Variants in DNAH11 observed in about 807,000 individuals in gnomAD.
DNAH11 encodes axonemal beta dynein heavy chain 11.
DNAH11 carries 442 observed loss-of-function variants against 526.0 expected under a neutral mutation model. That is an observed-to-expected ratio of 0.84 (90% CI 0.78 to 0.91). DNAH11 has a LOEUF of 0.91. Ranked by LOEUF, DNAH11 falls within the 40% of genes least tolerant of loss-of-function variation. The probability of loss-of-function intolerance (pLI) is 0.00; values close to 1 mark genes in which losing one functional copy is unlikely to be tolerated. For missense variants in DNAH11, 6,989 were observed against 5,448.7 expected (o/e 1.28, Z -8.90); for synonymous variants, 2,461 against 1,935.9 (o/e 1.27, Z -7.12).
intron 66 of DNAH11, among the ~76,000 whole-genome samples, chr7:21,843,774 C>T (rs971345359): frequency 7.2e-5 from 11 of 152,090 alleles, no homozygotes; most frequent in Non-Finnish European, 1.0e-4. Context: ...CCACCACGCC[C>T]GGCCATGCTG....
At chr7:21,593,029 G>T (rs529701083) in intron 14 of DNAH11, among the ~76,000 whole-genome samples, 25 of 152,278 alleles carry the variant, frequency 1.6e-4, no homozygotes, top group African/African-American at 5.8e-4. Context: ...ATGCACATAT[G>T]TATGGTATTT....
At position 21,588,643 on chromosome 7, in the gene DNAH11, A is replaced by G. The variant is rs1016305000; in HGVS notation, c.1973+7A>G. The G allele has an allele frequency of 3.7e-6, 6 of 1,612,502 alleles. No individual in the cohort carries two copies. The highest frequency in any genetic ancestry group is 5.1e-6 in the Non-Finnish European group (6 of 1,178,744). ...TCGCATCTCTCCGTTATCTGTAAGT[A>G]GTTAAGCTTAGGTCATGGCAAGTTA... On this transcript the variant is annotated splice_region_variant and intron_variant, in intron 11 of 81. Transcript: ENST00000409508.
chr7:21,886,281 A>G (rs990686172), intron 76 of DNAH11, among the ~76,000 whole-genome samples: 2 of 152,182 alleles, frequency 1.3e-5, no homozygotes, highest in African/African-American at 4.8e-5. Context: ...CTAAAATCAT[A>G]TTAGTCTAAT....
chr7:21,593,768 G>A (rs769465059), intron 14 of DNAH11, among the ~76,000 whole-genome samples: 19 of 151,958 alleles, frequency 1.3e-4, no homozygotes, highest in South Asian at 2.1e-4. Flanking sequence ...ATGAAAGAGC[G>A]TATTTCATGT....
At chr7:21,676,710 C>A (rs1033224036) in intron 30 of DNAH11, among the ~76,000 whole-genome samples, 1 of 152,142 alleles carries the variant, frequency 6.6e-6, no homozygotes, top group Non-Finnish European at 1.5e-5. Context: ...AATGCACTTA[C>A]AATTATACAT....
intron 42 of DNAH11, among the ~76,000 whole-genome samples, chr7:21,716,229 G>A (rs1379038977): frequency 2.0e-5 from 3 of 152,078 alleles, no homozygotes; most frequent in Admixed American, 1.3e-4. Context: ...GCCAACTCTT[G>A]TGCCCAATAG....
At chr7:21,805,955 A>G (rs1167413955) in intron 62 of DNAH11, among the ~76,000 whole-genome samples, 1 of 152,196 alleles carries the variant, frequency 6.6e-6, no homozygotes, top group African/African-American at 2.4e-5. Flanking sequence ...AGACTAATAA[A>G]TCAGGCAATT....
Position 21,753,185 on chromosome 7 carries a change from CT to C in DNAH11, c.8940+2822del, listed in dbSNP as rs527603552. ...CTTTCATCGTGATGCCTCTTGCCTC[CT>C]GATCACAGGTGGGTGCAGTATGTTC... On this transcript the variant is annotated intron_variant, in intron 54 of 81. Coordinates refer to ENST00000409508, the MANE Select transcript of DNAH11 (RefSeq NM_001277115.2). Among the ~76,000 whole-genome samples, 7 of 152,252 alleles carry C rather than the reference CT, an allele frequency of 4.6e-5. No individual in the cohort carries two copies. The South Asian group carries it at 1.5e-3, about 32-fold the overall frequency.
intron 44 of DNAH11, 94 bp downstream of exon 44, chr7:21,720,950 A>G (rs977944816): frequency 4.8e-6 from 7 of 1,455,560 alleles, no homozygotes; most frequent in African/African-American, 2.8e-5. Flanking sequence ...CCTTTTTGTT[A>G]TGTTATAGAT....
At chr7:21,592,244 A>G (rs1784714447) in intron 14 of DNAH11, among the ~76,000 whole-genome samples, 1 of 152,242 alleles carries the variant, frequency 6.6e-6, no homozygotes. Context: ...GATGAAAAAT[A>G]GAGCAGAGCA....
In DNAH11 at chr7:21,601,560, T is replaced by A; in HGVS notation, c.3590T>A (p.Ile1197Asn). The A allele has an allele frequency of 6.2e-7, 1 of 1,610,994 alleles. No individual in the cohort carries two copies. Among genetic ancestry groups the A allele is most frequent in the African/African-American group, 1.3e-5 (1 of 75,010 alleles). Residue 1197 changes from isoleucine (I) to asparagine (N), a missense_variant, in exon 18 of 82, where the codon ATC becomes AAC. Coordinates refer to ENST00000409508, the MANE Select transcript of DNAH11 (RefSeq NM_001277115.2). Reference sequence around the variant, plus strand: ...CTCTTTGAACCTCTAAAAGAAACGATCACCCTCTTGGAAAGCTATGGCCAG... The same window carrying A: ...CTCTTTGAACCTCTAAAAGAAACGAACACCCTCTTGGAAAGCTATGGCCAG... ...DELFEPLKET[I>N]TLLESYGQKM...
intron 52 of DNAH11, 94 bp from the exon 53 acceptor site, chr7:21,749,584 A>T (rs542370193): frequency 6.5e-7 from 1 of 1,532,934 alleles, no homozygotes; most frequent in South Asian, 1.3e-5. Context: ...TGCTATGGCG[A>T]TACAGTTACT....
At chr7:21,802,712 G>C (rs1167656580) in intron 62 of DNAH11, among the ~76,000 whole-genome samples, 1 of 151,906 alleles carries the variant, frequency 6.6e-6, no homozygotes, top group Admixed American at 6.6e-5. Context: ...AGACACAAAA[G>C]GCCACATATC....
rs368473106 is a variant in DNAH11 at position 21,789,302 on chromosome 7, C to T, written c.9986C>T (p.Ala3329Val). 3 of 1,576,824 alleles carry T rather than the reference C, an allele frequency of 1.9e-6. No individual in the cohort carries two copies. Among genetic ancestry groups the T allele is most frequent in the Non-Finnish European group, 2.6e-6 (3 of 1,160,802 alleles). Reference sequence around the variant, plus strand: ...GCCCAAGCAAACTTAGAACTGGCTGCAGCTACTGAAAAACTAGAGGCTATC... The same window carrying T: ...GCCCAAGCAAACTTAGAACTGGCTGTAGCTACTGAAAAACTAGAGGCTATC... ...ALAQANLELAAATEKLEAIRK... is the reference protein window; with the variant it reads ...ALAQANLELAVATEKLEAIRK... The change falls in exon 61 of 82, where the codon GCA becomes GTA. Residue 3329 changes from alanine (A) to valine (V), a missense_variant. By Grantham distance (64) the Ala-to-Val change is moderately conservative (BLOSUM62 0). Coordinates refer to ENST00000409508, the MANE Select transcript of DNAH11 (RefSeq NM_001277115.2).
chr7:21,552,863 GTGTAGGGGTTAGGCACCA>G (rs145272976), intron 2 of DNAH11, among the ~76,000 whole-genome samples: 2,153 of 152,234 alleles, frequency 0.014, 22 homozygotes, highest in Middle Eastern at 0.044. Context: ...ACTGAGGAGG[GTGTAGGGGTTAGGCACCA>G]CAGGGTGGTA....
intron 30 of DNAH11, among the ~76,000 whole-genome samples, chr7:21,676,167 C>A (rs1371749121): frequency 6.6e-6 from 1 of 152,270 alleles, no homozygotes; most frequent in South Asian, 2.1e-4. Context: ...GGGCTTATTT[C>A]TAGTTCAAGA....
chr7:21,881,557 C>T (rs753365606), intron 75 of DNAH11, among the ~76,000 whole-genome samples: 6 of 152,186 alleles, frequency 3.9e-5, no homozygotes, highest in Non-Finnish European at 8.8e-5. Context: ...CCATTCATTC[C>T]TAAGGATTTT....
chr7:21,851,670 G>A (rs1257982347), intron 66 of DNAH11: 3 of 470,942 alleles, frequency 6.4e-6, no homozygotes, highest in African/African-American at 2.0e-5. Flanking sequence ...TAGAGACTAC[G>A]AAGACTGGGC....
Position 21,564,367 on chromosome 7 carries a change from G to T in DNAH11, c.1164G>T (p.Leu388Phe), listed in dbSNP as rs1325682187. 6.2e-7 allele frequency: 1 copy of T among 1,612,964 alleles called. No individual in the cohort carries two copies. Among genetic ancestry groups the T allele is most frequent in the Non-Finnish European group, 8.5e-7 (1 of 1,179,530 alleles). ...CCCCAGCTCGGGTTATAGTTTTATTGCAAGAGTTTTGTAATCTCTTCATTA... is the reference window on the plus strand; with the variant it reads ...CCCCAGCTCGGGTTATAGTTTTATTTCAAGAGTTTTGTAATCTCTTCATTA... Reference protein sequence around the residue: ...YNTPARVIVLLQEFCNLFINQ... With the variant: ...YNTPARVIVLFQEFCNLFINQ... Residue 388 changes from leucine to phenylalanine, a missense_variant, in exon 6 of 82, where the codon TTG becomes TTT. Coordinates refer to ENST00000409508, the MANE Select transcript of DNAH11 (RefSeq NM_001277115.2).
Sources: allele counts gnomAD v4.1 joint callset (sites outside exome capture counted in the v4.1 genomes callset), GRCh38; gene constraint gnomAD v4.1.1; transcripts MANE v1.5; gene names NCBI Gene and HGNC (gene_info 2026-07-23, HGNC 2026-07-21).